TMTC4: variants seen among roughly 807,000 people sequenced by gnomAD.
TMTC4 encodes transmembrane O-mannosyltransferase targeting cadherins 4.
Under a neutral mutation model 86.0 loss-of-function variants are expected in TMTC4, and 65 were observed. The observed-to-expected ratio is 0.76, with a 90% CI of 0.62 to 0.93. The LOEUF (loss-of-function observed/expected upper bound fraction) is 0.93, where lower values mean the gene tolerates loss of function less well. TMTC4 is among the 40% of genes least tolerant of loss of function. TMTC4 has a pLI of 0.00. For synonymous variants in TMTC4, 379 were observed against 382.5 expected (o/e 0.99, Z 0.11); for missense variants, 866 against 948.1 (o/e 0.91, Z 1.14).
At chr13:100,615,468 G>A (rs1415451845) in intron 15 of TMTC4, among the ~76,000 whole-genome samples, 1 of 143,246 alleles carries the variant, frequency 7.0e-6, no homozygotes, top group African/African-American at 2.6e-5. Context: ...ACAGAGTCTC[G>A]CTCTGTTGCC....
chr13:100,608,437 T>G (rs1877005127), intron 17 of TMTC4, among the ~76,000 whole-genome samples: 1 of 152,046 alleles, frequency 6.6e-6, no homozygotes, highest in Non-Finnish European at 1.5e-5. Flanking sequence ...AGTCAAGATT[T>G]CCAAGCCAGG....
At chr13:100,664,176 C>A in intron 4 of TMTC4, 45 bp downstream of exon 4, 1 of 1,511,836 alleles carries the variant, frequency 6.6e-7, no homozygotes. Flanking sequence ...ATGTCACACA[C>A]AAGCTGGGAG....
intron 12 of TMTC4, among the ~76,000 whole-genome samples, chr13:100,632,802 C>T (rs1213486486): frequency 6.6e-6 from 1 of 152,104 alleles, no homozygotes; most frequent in Non-Finnish European, 1.5e-5. Flanking sequence ...AGACATGAAA[C>T]AGATCCAGAG....
intron 3 of TMTC4, among the ~76,000 whole-genome samples, chr13:100,665,758 G>A (rs1886318694): frequency 6.6e-6 from 1 of 152,260 alleles, no homozygotes; most frequent in South Asian, 2.1e-4. Flanking sequence ...TTAAGTGCTT[G>A]CTGACTCAAA....
At position 100,659,228 on chromosome 13, in the gene TMTC4, T is replaced by C. The variant is rs936539128; in HGVS notation, c.553-2760A>G. Among the ~76,000 whole-genome samples, 4 of 152,208 alleles carry C rather than the reference T, an allele frequency of 2.6e-5. No homozygotes were observed. The South Asian group carries it at 8.3e-4, about 32-fold the overall frequency. On this transcript the variant is annotated intron_variant, in intron 5 of 18. Transcript: ENST00000342624. Reference sequence around the variant, plus strand: ...TCCCGATTCCTTCTGGGTTAACGTCTGGGTTCATTAGACAGACAGAACTCT... The same window carrying C: ...TCCCGATTCCTTCTGGGTTAACGTCCGGGTTCATTAGACAGACAGAACTCT...
At chr13:100,657,107 G>A (rs1885209739) in intron 5 of TMTC4, among the ~76,000 whole-genome samples, 2 of 152,116 alleles carry the variant, frequency 1.3e-5, no homozygotes, top group Admixed American at 1.3e-4. Context: ...ATACCCAAGA[G>A]CTCCAAAGAC....
intron 3 of TMTC4, among the ~76,000 whole-genome samples, chr13:100,666,911 G>A (rs922158093): frequency 3.9e-5 from 6 of 152,344 alleles, no homozygotes; most frequent in African/African-American, 1.2e-4. Flanking sequence ...GATGGCTTGA[G>A]CCCAGGCATC....
At chr13:100,643,180 T>C (rs1883256673) in intron 6 of TMTC4, among the ~76,000 whole-genome samples, 1 of 152,078 alleles carries the variant, frequency 6.6e-6, no homozygotes, top group Non-Finnish European at 1.5e-5. Flanking sequence ...AAGTCCCCAC[T>C]CTTCATCTAA....
At chr13:100,663,748 C>T (rs1009240064) in intron 4 of TMTC4, among the ~76,000 whole-genome samples, 8 of 152,078 alleles carry the variant, frequency 5.3e-5, no homozygotes, top group Admixed American at 1.3e-4. Flanking sequence ...TAAATGCACC[C>T]GAGGAGCAGG....
At chr13:100,626,710 T>C (rs1279888767) in intron 12 of TMTC4, among the ~76,000 whole-genome samples, 1 of 152,214 alleles carries the variant, frequency 6.6e-6, no homozygotes, top group Non-Finnish European at 1.5e-5. Flanking sequence ...CATGTGGACA[T>C]GAGTAGAAGA....
rs118115216 is a variant in TMTC4, at chr13:100,617,546, G to C, written c.1837-3116C>G. Among the ~76,000 whole-genome samples, 284 of 152,256 alleles carry C rather than the reference G, an allele frequency of 1.9e-3. 4 individuals carry two copies. The East Asian group carries it at 0.031, about 17-fold the overall frequency. On this transcript the variant is annotated intron_variant, in intron 15 of 18. Transcript: ENST00000342624. The stretch of plus-strand genomic sequence containing the variant: ...GGTCCAGTTTCACTCTTTTGCGTAT[G>C]GCTAGCCAGCTATCCCAGCACGATT...
chr13:100,665,888 A>T lies in TMTC4; in HGVS notation c.220-1552T>A, dbSNP rs147629815. The stretch of plus-strand genomic sequence containing the variant: ...GCCAGGAGCACACTGACCACTCCCC[A>T]AGAGCAGGTTAGAGATTCTGTGAAG... On this transcript the variant is annotated intron_variant, in intron 3 of 18. Transcript: ENST00000342624. 2,037 of 380,154 alleles carry T rather than the reference A, an allele frequency of 5.4e-3. 13 individuals are homozygous for T. The highest frequency in any genetic ancestry group is 6.6e-3 in the Middle Eastern group (9 of 1,360). 23.5% of individuals were successfully genotyped at this position (380,154 alleles called of 1,614,324 possible).
At chr13:100,672,631 T>C (rs971892242) in intron 1 of TMTC4, among the ~76,000 whole-genome samples, 2 of 152,142 alleles carry the variant, frequency 1.3e-5, no homozygotes, top group African/African-American at 4.8e-5. Context: ...GCTGGGACTA[T>C]AGGCATATGC....
intron 15 of TMTC4, among the ~76,000 whole-genome samples, chr13:100,619,854 T>C: frequency 6.6e-6 from 1 of 152,210 alleles, no homozygotes. Context: ...TGCATTTGAG[T>C]CACTTGGACA....
At chr13:100,632,037 ACACACACACACACACACTCTCTCTCT>A (rs1881460015) in intron 12 of TMTC4, among the ~76,000 whole-genome samples, 3 of 68,898 alleles carry the variant, frequency 4.4e-5, no homozygotes, top group South Asian at 4.8e-4. Flanking sequence ...ACACACACAC[ACACACACACACACACACTCTCTCTCT>A]CTCTCTCTCT....
chr13:100,652,778 C>T (rs1884618366), intron 6 of TMTC4, among the ~76,000 whole-genome samples: 1 of 149,384 alleles, frequency 6.7e-6, no homozygotes, highest in South Asian at 2.2e-4. Context: ...CCAGAATATT[C>T]TGCTCTGTAG....
chr13:100,656,962 C>A (rs1010574283), intron 5 of TMTC4, among the ~76,000 whole-genome samples: 2 of 152,182 alleles, frequency 1.3e-5, no homozygotes, highest in Non-Finnish European at 2.9e-5. Flanking sequence ...TCAGTTCTCT[C>A]CTCCCTTTTG....
rs117214658 is a variant in TMTC4, at chr13:100,660,980, T to C, written c.552+1984A>G. On this transcript the variant is annotated intron_variant, in intron 5 of 18. Transcript: ENST00000342624. ...AAAGCTGGAATTTTTAACTGCAGGG[T>C]AGGAGATAACAGGGGAATGCAGACA... Among the ~76,000 whole-genome samples, 228 of 152,214 alleles carry C rather than the reference T, an allele frequency of 1.5e-3. 4 individuals carry two copies. In the East Asian group the frequency reaches 0.02, roughly 13 times the overall value.
chr13:100,626,213 T>C, intron 12 of TMTC4, 63 bp from the exon 13 acceptor site: 1 of 1,508,904 alleles, frequency 6.6e-7, no homozygotes, highest in Non-Finnish European at 9.2e-7. Flanking sequence ...CTGGACCCCA[T>C]CACATCTTCT....
Sources: gnomAD v4.1 joint callset for allele counts (sites outside exome capture counted in the v4.1 genomes callset) on GRCh38, gnomAD v4.1.1 for gene constraint, MANE v1.5 for transcripts, NCBI Gene and HGNC (gene_info 2026-07-23, HGNC 2026-07-21) for gene names.